The following KCNK5 variants were observed in gnomAD, a reference collection of about 807,000 sequenced individuals.
KCNK5 encodes potassium two pore domain channel subfamily K member 5.
Under a neutral mutation model 32.9 loss-of-function variants are expected in KCNK5, and 18 were observed. The observed-to-expected ratio is 0.55, with a 90% CI of 0.38 to 0.81. KCNK5 has a LOEUF of 0.81. Ranked by LOEUF, KCNK5 falls within the 30% of genes least tolerant of loss-of-function variation. The pLI, the probability that KCNK5 is intolerant of heterozygous loss-of-function variation, is 0.00. For missense variants in KCNK5, 507 were observed against 651.0 expected, an observed-to-expected ratio of 0.78 and a Z score of 2.41; for synonymous variants, 276 against 275.3, an observed-to-expected ratio of 1.00 and a Z score of -0.03.
In KCNK5 at chr6:39,229,374, C is replaced by G. The variant is rs1274498609; in HGVS notation, c.-263G>C. 3 of 526,814 alleles carry G rather than the reference C, an allele frequency of 5.7e-6. No individual in the cohort carries two copies. Among genetic ancestry groups the G allele is most frequent in the Non-Finnish European group, 1.0e-5 (3 of 291,322 alleles). The allele number at this position is 526,814 out of a possible 1,614,324, so 32.6% of individuals were successfully genotyped here. A position where few individuals can be genotyped will look rare whatever the true frequency, so the allele number is the denominator to read the frequency against. On this transcript the variant is annotated 5_prime_UTR_variant, in exon 1 of 5. Transcript: ENST00000359534. ...GCGGGGCTGAAAGGGCGCCCTGGAC[C>G]GCGGATGCGTAAGGAGCGGGAAGAA...
Position 39,189,869 on chromosome 6 carries a change from T to C in KCNK5, c.*1021A>G, listed in dbSNP as rs1327824010. On this transcript the variant is annotated 3_prime_UTR_variant, in exon 5 of 5. Transcript: ENST00000359534. The stretch of plus-strand genomic sequence containing the variant: ...TTTGTGGGCCAAGAGCAATTTGGCC[T>C]CACCCTGCCTGGCCCAAGGGGGCTG... 6.6e-6 allele frequency: 1 copy of C among 152,512 alleles called. No homozygotes were observed. Among genetic ancestry groups the C allele is most frequent in the Non-Finnish European group, 1.5e-5 (1 of 68,104 alleles). The allele number at this position is 152,512 out of a possible 1,614,324, so 9.4% of individuals were successfully genotyped here. A position where few individuals can be genotyped will look rare whatever the true frequency, so the allele number is the denominator to read the frequency against.
At position 39,191,154 on chromosome 6, in the gene KCNK5, T is replaced by C; in HGVS notation, c.1236A>G (p.Pro412=). Residue 412 remains proline, a synonymous_variant, in exon 5 of 5, where the codon CCA becomes CCG. Transcript: ENST00000359534. The surrounding 1 kb of genome is among the most constrained non-coding windows in gnomAD (Gnocchi z 5.8). ...TGATGCTGGCGTCCTGGAAGATGAG[T>C]GGGTGGTAGTCCTGGGCGTCCCATG... ...CEPWDAQDYH[P]LIFQDASITF... is the part of the protein sequence containing the mutation. The C allele has an allele frequency of 6.2e-7, 1 of 1,614,046 alleles. No individual in the cohort carries two copies. The highest frequency in any genetic ancestry group is 8.5e-7 in the Non-Finnish European group (1 of 1,180,008).
intron 1 of KCNK5, among the ~76,000 whole-genome samples, chr6:39,228,014 G>T (rs1359193579): frequency 6.6e-6 from 1 of 152,126 alleles, no homozygotes; most frequent in Non-Finnish European, 1.5e-5. Flanking sequence ...TTGAAGCTGA[G>T]CCCTCGAGAA....
intron 2 of KCNK5, 34 bp downstream of exon 2, chr6:39,195,842 G>T: frequency 6.6e-7 from 1 of 1,520,584 alleles, no homozygotes; most frequent in Non-Finnish European, 9.1e-7. Context: ...CTAGGGCATG[G>T]ATGTGGGTGT....
chr6:39,209,756 C>A lies in KCNK5; in HGVS notation c.187-13769G>T, dbSNP rs184510633. Among the ~76,000 whole-genome samples the A allele has an allele frequency of 1.1e-3, 163 of 152,320 alleles. 2 individuals are homozygous for A. The highest frequency in any genetic ancestry group is 3.7e-4 in the Non-Finnish European group (25 of 68,030). On this transcript the variant is annotated intron_variant, in intron 1 of 4. Coordinates refer to ENST00000359534, the MANE Select transcript of KCNK5 (RefSeq NM_003740.4). ...TTCCAAGCCTGTTTAACCCCTAACA[C>A]CCAACCAGGCTCTGGCAAGGCCTCA...
At chr6:39,202,291 T>C (rs1389873706) in intron 1 of KCNK5, among the ~76,000 whole-genome samples, 1 of 152,152 alleles carries the variant, frequency 6.6e-6, no homozygotes, top group Non-Finnish European at 1.5e-5. Context: ...TTTCACTAAA[T>C]TCATCAGTTA....
intron 4 of KCNK5, among the ~76,000 whole-genome samples, chr6:39,193,394 T>A (rs1583703951): frequency 3.3e-5 from 5 of 152,222 alleles, no homozygotes; most frequent in Admixed American, 6.5e-5. Context: ...GCTAGTGGCC[T>A]CCCACTGCCC....
At chr6:39,227,159 G>T (rs1562060338) in intron 1 of KCNK5, among the ~76,000 whole-genome samples, 3 of 99,734 alleles carry the variant, frequency 3.0e-5, no homozygotes. Flanking sequence ...CTTGTGTTTT[G>T]AAGTTTATTT....
chr6:39,218,525 T>C (rs1227320131), intron 1 of KCNK5, among the ~76,000 whole-genome samples: 1 of 152,116 alleles, frequency 6.6e-6, no homozygotes. Context: ...TGTCCCCATC[T>C]AGTGAATGGG....
intron 1 of KCNK5, among the ~76,000 whole-genome samples, chr6:39,207,827 C>A (rs1771256951): frequency 6.6e-6 from 1 of 152,126 alleles, no homozygotes; most frequent in African/African-American, 2.4e-5. Context: ...CATCTGCCTG[C>A]CCTGGGCCCC....
chr6:39,211,510 A>C (rs1358310980), intron 1 of KCNK5, among the ~76,000 whole-genome samples: 2 of 152,232 alleles, frequency 1.3e-5, no homozygotes, highest in East Asian at 3.8e-4. Context: ...ATGTGGCATT[A>C]GAAACCTCGG....
intron 1 of KCNK5, among the ~76,000 whole-genome samples, chr6:39,201,042 G>A (rs374858918): frequency 7.2e-5 from 11 of 152,134 alleles, no homozygotes; most frequent in Non-Finnish European, 1.5e-4. Flanking sequence ...AGCTACTCCC[G>A]GCCCTGCCTC....
At chr6:39,227,109 C>T (rs557337184) in intron 1 of KCNK5, among the ~76,000 whole-genome samples, 2 of 151,638 alleles carry the variant, frequency 1.3e-5, no homozygotes, top group South Asian at 2.1e-4. Context: ...CCCTGGACCC[C>T]GCCCCCCCCG....
At chr6:39,224,731 A>T (rs1180946643) in intron 1 of KCNK5, among the ~76,000 whole-genome samples, 2 of 152,122 alleles carry the variant, frequency 1.3e-5, no homozygotes, top group Admixed American at 6.5e-5. Context: ...TGCTAGACAG[A>T]GGGCAGGACC....
intron 1 of KCNK5, among the ~76,000 whole-genome samples, chr6:39,199,847 C>T (rs898785881): frequency 6.6e-6 from 1 of 152,170 alleles, no homozygotes; most frequent in Non-Finnish European, 1.5e-5. Context: ...CTTTTACACA[C>T]GTTACCTAAC....
At chr6:39,216,759 C>A (rs921384385) in intron 1 of KCNK5, among the ~76,000 whole-genome samples, 1 of 152,126 alleles carries the variant, frequency 6.6e-6, no homozygotes, top group Non-Finnish European at 1.5e-5. Flanking sequence ...GTGTGACTAT[C>A]CTTGCTACCA....
At chr6:39,201,660 T>C (rs576359602) in intron 1 of KCNK5, among the ~76,000 whole-genome samples, 16 of 152,278 alleles carry the variant, frequency 1.1e-4, no homozygotes, top group African/African-American at 3.9e-4. Flanking sequence ...GTGTGCTTGG[T>C]AGTACAGAAA....
intron 1 of KCNK5, among the ~76,000 whole-genome samples, chr6:39,199,304 G>C (rs945292052): frequency 6.6e-6 from 1 of 152,258 alleles, no homozygotes; most frequent in Non-Finnish European, 1.5e-5. Flanking sequence ...GGTAACTGAA[G>C]AAGGCATTAA....
intron 1 of KCNK5, among the ~76,000 whole-genome samples, chr6:39,223,041 C>T (rs540448161): frequency 1.1e-4 from 16 of 152,240 alleles, no homozygotes; most frequent in South Asian, 2.1e-4. Flanking sequence ...GTGTTTTTTG[C>T]GTTTAAAAAA....
Sources: gnomAD v4.1 joint callset for allele counts (sites outside exome capture counted in the v4.1 genomes callset) on GRCh38, gnomAD v4.1.1 for gene constraint, Gnocchi (gnomAD v3.1) non-coding constraint, MANE v1.5 for transcripts, NCBI Gene and HGNC (gene_info 2026-07-23, HGNC 2026-07-21) for gene names.